ZC3H12A: variants seen among roughly 807,000 people sequenced by gnomAD.
ZC3H12A encodes zinc finger CCCH-type containing 12A.
Under a neutral mutation model 29.9 loss-of-function variants are expected in ZC3H12A, and 9 were observed. That is an observed-to-expected ratio of 0.30 (90% CI 0.18 to 0.53). The LOEUF is 0.53. ZC3H12A is among the 20% of genes least tolerant of loss of function. The pLI is 0.96. For synonymous variants in ZC3H12A, 323 were observed against 338.1 expected, an observed-to-expected ratio of 0.96 and a Z score of 0.49; for missense variants, 617 against 799.0, an observed-to-expected ratio of 0.77 and a Z score of 2.75.
chr1:37,483,056 T>G lies in ZC3H12A; in HGVS notation c.1245T>G (p.Phe415Leu). 1 of 1,608,544 alleles carries G rather than the reference T, an allele frequency of 6.2e-7. No individual in the cohort carries two copies. Among genetic ancestry groups the G allele is most frequent in the Middle Eastern group, 1.7e-4 (1 of 6,050 alleles). Residue 415 changes from phenylalanine to leucine, a missense_variant, in exon 6 of 6, where the codon TTT becomes TTG. Coordinates refer to ENST00000373087, the MANE Select transcript of ZC3H12A (RefSeq NM_025079.3). ...CTAGCGGGGGCAGTGGCAGCAGCTTTGGGCCCACAGACTGGCTCCCACAGA... is the reference window on the plus strand; with the variant it reads ...CTAGCGGGGGCAGTGGCAGCAGCTTGGGGCCCACAGACTGGCTCCCACAGA... ...LAPSGGSGSSFGPTDWLPQTL... is the reference protein window; with the variant it reads ...LAPSGGSGSSLGPTDWLPQTL...
At chr1:37,477,999 A>G (rs1443879437) in intron 2 of ZC3H12A, among the ~76,000 whole-genome samples, 1 of 152,150 alleles carries the variant, frequency 6.6e-6, no homozygotes, top group Non-Finnish European at 1.5e-5. Context: ...GAGCCCTGGC[A>G]TCCCATTAGT....
At position 37,475,381 on chromosome 1, in the gene ZC3H12A, CATCCT is replaced by C; in HGVS notation, c.-38-77_-38-73del. ...GCAGTGTGTAGTGCCACCAATCCCT[CATCCT>C]GCTGGATGTGGTTTTGGGAGGGAGG... On this transcript the variant is annotated intron_variant, in intron 1 of 5. Coordinates refer to ENST00000373087, the MANE Select transcript of ZC3H12A (RefSeq NM_025079.3). This position sits in a 1 kb window ranked among gnomAD's most constrained non-coding sequence, Gnocchi z 5.2. 2 of 1,158,098 alleles carry C rather than the reference CATCCT, an allele frequency of 1.7e-6. No individual in the cohort carries two copies. Among genetic ancestry groups the C allele is most frequent in the Admixed American group, 2.3e-5 (1 of 43,910 alleles). The allele number at this position is 1,158,098 out of a possible 1,614,324, so 71.7% of individuals were successfully genotyped here.
rs562943948 is a variant in ZC3H12A, at chr1:37,481,386, G to A, written c.584-215G>A. Among the ~76,000 whole-genome samples, 38 of 152,344 alleles carry A rather than the reference G, an allele frequency of 2.5e-4. 1 individual carries two copies. Among genetic ancestry groups the A allele is most frequent in the African/African-American group, 6.5e-4 (27 of 41,588 alleles). On this transcript the variant is annotated intron_variant, in intron 3 of 5. Transcript: ENST00000373087. ...GAGCCTCTGCCATGCAGGCCCTGCC[G>A]CCTGTGTTCAGATGTTCTTGGTCTT...
rs1471631048 is a variant in ZC3H12A, at chr1:37,480,164, G to T, written c.444-126G>T. 6 of 1,461,846 alleles carry T rather than the reference G, an allele frequency of 4.1e-6. No individual in the cohort carries two copies. In the African/African-American group the frequency reaches 8.4e-5, roughly 21 times the overall value. The allele number at this position is 1,461,846 out of a possible 1,614,324, so 90.6% of individuals were successfully genotyped here. A position where few individuals can be genotyped will look rare whatever the true frequency, so the allele number is the denominator to read the frequency against. On this transcript the variant is annotated intron_variant, in intron 2 of 5. Coordinates refer to ENST00000373087, the MANE Select transcript of ZC3H12A (RefSeq NM_025079.3). ...GGGCTGGTGACTCCAAAGGGGAAGG[G>T]ACTGCTCACTACCACCACCAAAGCC... is the stretch of plus-strand genomic sequence containing the variant.
Position 37,479,023 on chromosome 1 carries a change from G to T in ZC3H12A, c.444-1267G>T. The T allele has an allele frequency of 1.0e-6, 1 of 985,160 alleles. No individual in the cohort carries two copies. Among genetic ancestry groups the T allele is most frequent in the Non-Finnish European group, 1.2e-6 (1 of 829,864 alleles). The allele number at this position is 985,160 out of a possible 1,614,324, so 61.0% of individuals were successfully genotyped here. On this transcript the variant is annotated intron_variant, in intron 2 of 5. Coordinates refer to ENST00000373087, the MANE Select transcript of ZC3H12A (RefSeq NM_025079.3). This position sits in a 1 kb window ranked among gnomAD's most constrained non-coding sequence, Gnocchi z 4.5. ...ACCTCCCTCCCTAGCTTCTCTTAGG[G>T]CTCCAGCTATCACCCCTTACCTCCC...
Position 37,483,924 on chromosome 1 carries a change from T to G in ZC3H12A, c.*313T>G. ...TGGCTGAGGCCCAAACCGTCTTTTC[T>G]CTCAGAGGGTGGGGAGGGAGGTGGG... On this transcript the variant is annotated 3_prime_UTR_variant, in exon 6 of 6. Coordinates refer to ENST00000373087, the MANE Select transcript of ZC3H12A (RefSeq NM_025079.3). 3.4e-6 allele frequency: 1 copy of G among 292,298 alleles called. No individual in the cohort carries two copies. Among genetic ancestry groups the G allele is most frequent in the Non-Finnish European group, 6.5e-6 (1 of 154,930 alleles). The allele number at this position is 292,298 out of a possible 1,614,324, so 18.1% of individuals were successfully genotyped here.
At chr1:37,482,301 G>A in intron 4 of ZC3H12A, 133 bp from the exon 5 acceptor site, 1 of 745,724 alleles carries the variant, frequency 1.3e-6, no homozygotes, top group Non-Finnish European at 2.2e-6. Context: ...AGTTTTGCGG[G>A]GTCCTGGACA....
chr1:37,480,128 GAAAGGGGAAGGGGCTGGTGACTCC>G, intron 2 of ZC3H12A, 138 bp from the exon 3 acceptor site: 4 of 1,348,056 alleles, frequency 3.0e-6, no homozygotes, highest in South Asian at 1.8e-5. Context: ...GAGCCCTGGG[GAAAGGGGAAGGGGCTGGTGACTCC>G]AAAGGGGAAG....
intron 2 of ZC3H12A, among the ~76,000 whole-genome samples, chr1:37,477,669 G>A (rs904755017): frequency 3.9e-5 from 6 of 152,226 alleles, no homozygotes; most frequent in South Asian, 2.1e-4. Flanking sequence ...CCTAGCTGGA[G>A]TCTTCTACAC....
chr1:37,479,840 A>G lies in ZC3H12A; in HGVS notation c.444-450A>G, dbSNP rs1641665429. The G allele has an allele frequency of 7.1e-6, 7 of 985,262 alleles. No individual in the cohort carries two copies. The South Asian group carries it at 3.3e-4, about 46-fold the overall frequency. The allele number at this position is 985,262 out of a possible 1,614,324, so 61.0% of individuals were successfully genotyped here. On this transcript the variant is annotated intron_variant, in intron 2 of 5. Coordinates refer to ENST00000373087, the MANE Select transcript of ZC3H12A (RefSeq NM_025079.3). The surrounding 1 kb of genome is among the most constrained non-coding windows in gnomAD (Gnocchi z 4.5). ...AGGGAGGGGTGGTGACTCAGTGTGCATGTGTACATCTGTCCCTGTGGTCCC... is the reference window on the plus strand; with the variant it reads ...AGGGAGGGGTGGTGACTCAGTGTGCGTGTGTACATCTGTCCCTGTGGTCCC...
intron 2 of ZC3H12A, among the ~76,000 whole-genome samples, chr1:37,477,621 C>T (rs187620589): frequency 6.6e-6 from 1 of 152,328 alleles, no homozygotes; most frequent in East Asian, 1.9e-4. Context: ...CCTGGGGAGG[C>T]TGGCCCAGCC....
In ZC3H12A at chr1:37,481,869, G is replaced by C. The variant is rs543298286; in HGVS notation, c.818+34G>C. ...CCTCCCAGAGGCCCTGACAGACTTGGGGTCCACAGGGGAAGCCAGAGGTGC... is the reference window on the plus strand; with the variant it reads ...CCTCCCAGAGGCCCTGACAGACTTGCGGTCCACAGGGGAAGCCAGAGGTGC... On this transcript the variant is annotated intron_variant, in intron 4 of 5. Transcript: ENST00000373087. 6.3e-6 allele frequency: 10 copies of C among 1,587,110 alleles called. No homozygotes were observed. The South Asian group carries it at 6.8e-5, about 11-fold the overall frequency.
At position 37,483,222 on chromosome 1, in the gene ZC3H12A, T is replaced by A; in HGVS notation, c.1411T>A (p.Tyr471Asn). Reference sequence around the variant, plus strand: ...CCCACCCCGAGCCCCTTACACGGGCTACAGTCCCTATGGATCTGAGCTCCC... The same window carrying A: ...CCCACCCCGAGCCCCTTACACGGGCAACAGTCCCTATGGATCTGAGCTCCC... Reference protein sequence around the residue: ...PGPPRAPYTGYSPYGSELPAT... With the variant: ...PGPPRAPYTGNSPYGSELPAT... The change falls in exon 6 of 6, where the codon TAC (tyrosine) becomes AAC (asparagine). Residue 471 changes from tyrosine to asparagine, a missense_variant. Tyr to Asn is a moderately radical substitution (Grantham distance 143). This residue lies in a region of ZC3H12A where 172 missense variants were observed against 203.1 expected (regional missense o/e 0.85). Transcript: ENST00000373087. 1.2e-6 allele frequency: 2 copies of A among 1,613,714 alleles called. No homozygotes were observed. Among genetic ancestry groups the A allele is most frequent in the East Asian group, 4.5e-5 (2 of 44,870 alleles).
At chr1:37,477,513 C>A (rs974317120) in intron 2 of ZC3H12A, among the ~76,000 whole-genome samples, 1 of 152,148 alleles carries the variant, frequency 6.6e-6, no homozygotes, top group Non-Finnish European at 1.5e-5. Flanking sequence ...GGCGGGCTAG[C>A]CCCCCCATCA....
At position 37,483,576 on chromosome 1, in the gene ZC3H12A, A is replaced by G; in HGVS notation, c.1765A>G (p.Ile589Val). Residue 589 changes from isoleucine (I) to valine (V), a missense_variant, in exon 6 of 6, where the codon ATC (isoleucine) becomes GTC (valine). Ile to Val is a conservative substitution (Grantham distance 29). This residue lies in a region of ZC3H12A where 172 missense variants were observed against 203.1 expected (regional missense o/e 0.85). Transcript: ENST00000373087. The stretch of plus-strand genomic sequence containing the variant: ...GGACCCCCAGCAGCTGGCTGCCGAG[A>G]TCCTCTCCTACAAGTCCCAGCACCC... ...LLDPQQLAAEILSYKSQHPSE is the reference protein window; with the variant it reads ...LLDPQQLAAEVLSYKSQHPSE The G allele has an allele frequency of 6.2e-7, 1 of 1,611,790 alleles. No individual in the cohort carries two copies. Among genetic ancestry groups the G allele is most frequent in the Non-Finnish European group, 8.5e-7 (1 of 1,179,494 alleles).
intron 3 of ZC3H12A, among the ~76,000 whole-genome samples, chr1:37,480,849 G>A (rs916320118): frequency 1.3e-5 from 2 of 152,230 alleles, no homozygotes; most frequent in South Asian, 2.1e-4. Flanking sequence ...ACATGGGGTC[G>A]GTGTCAGCAG....
chr1:37,482,586 T>G (rs1354418128), intron 5 of ZC3H12A, 46 bp downstream of exon 5: 1 of 1,609,766 alleles, frequency 6.2e-7, no homozygotes, highest in Non-Finnish European at 8.5e-7. Flanking sequence ...ACTCCTGCCC[T>G]TCCTCTCACC....
chr1:37,478,709 T>C lies in ZC3H12A; in HGVS notation c.444-1581T>C. 1 of 435,232 alleles carries C rather than the reference T, an allele frequency of 2.3e-6. No individual in the cohort carries two copies. Among genetic ancestry groups the C allele is most frequent in the Non-Finnish European group, 3.1e-6 (1 of 326,898 alleles). 27.0% of individuals were successfully genotyped at this position (435,232 alleles called of 1,614,324 possible). A position where few individuals can be genotyped will look rare whatever the true frequency, so the allele number is the denominator to read the frequency against. On this transcript the variant is annotated intron_variant, in intron 2 of 5. Coordinates refer to ENST00000373087, the MANE Select transcript of ZC3H12A (RefSeq NM_025079.3). The surrounding 1 kb of genome is among the most constrained non-coding windows in gnomAD (Gnocchi z 5.2). The stretch of plus-strand genomic sequence containing the variant: ...TGACCCTGGTGACTAAGCTGCCTTC[T>C]CTGGACCACAGTTTTCATCTGAAAA...
Position 37,475,739 on chromosome 1 carries a change from G to A in ZC3H12A, c.243G>A (p.Val81=), listed in dbSNP as rs1011268631. 8 of 1,613,822 alleles carry A rather than the reference G, an allele frequency of 5.0e-6. No individual in the cohort carries two copies. The African/African-American group carries it at 1.1e-4, about 22-fold the overall frequency. Residue 81 remains valine, a synonymous_variant, in exon 2 of 6, where the codon GTG becomes GTA. Transcript: ENST00000373087. This position sits in a 1 kb window ranked among gnomAD's most constrained non-coding sequence, Gnocchi z 5.2. ...KLGVQADTNT[V]LGELVKHGTA... ...GCGTCCAGGCAGACACCAACACGGT[G>A]CTGGGTGAGCTGGTGAAACACGGGA... is the stretch of plus-strand genomic sequence containing the variant.
Sources: gnomAD v4.1 joint callset for allele counts (sites outside exome capture counted in the v4.1 genomes callset) on GRCh38, gnomAD v4.1.1 for gene constraint, gnomAD v4.1.1 regional missense constraint, Gnocchi (gnomAD v3.1) non-coding constraint, MANE v1.5 for transcripts, NCBI Gene and HGNC (gene_info 2026-07-23, HGNC 2026-07-21) for gene names.